Variants in MRPL42 observed in about 807,000 individuals in gnomAD.
The protein encoded by MRPL42 is large ribosomal subunit protein mL42.
Under a neutral mutation model 17.9 loss-of-function variants are expected in MRPL42, and 17 were observed. The ratio of observed to expected loss-of-function variants is 0.95; its 90% confidence interval spans 0.65 to 1.42. MRPL42 has a LOEUF of 1.42. Ranked by LOEUF, MRPL42 falls within the 40% of genes most tolerant of loss-of-function variation. MRPL42 has a pLI of 0.00. For missense variants in MRPL42, 177 were observed against 175.2 expected (o/e 1.01, Z -0.06); for synonymous variants, 59 against 54.4 (o/e 1.08, Z -0.37).
At chr12:93,487,742 A>C in intron 5 of MRPL42, 82 bp downstream of exon 5, 5 of 1,280,802 alleles carry the variant, frequency 3.9e-6, no homozygotes, top group Non-Finnish European at 5.4e-6. Context: ...CAAACTTCTG[A>C]AGTGGTGTTT....
At chr12:93,480,828 C>T (rs1399011897) in intron 4 of MRPL42, among the ~76,000 whole-genome samples, 1 of 152,148 alleles carries the variant, frequency 6.6e-6, no homozygotes, top group African/African-American at 2.4e-5. Flanking sequence ...GTATGAGCCA[C>T]CGCGCCCGAC....
chr12:93,506,897 A>T lies in MRPL42; in HGVS notation c.*5676A>T, dbSNP rs1273809932. On this transcript the variant is annotated 3_prime_UTR_variant, in exon 6 of 6. Transcript: ENST00000549982. ...ATTGCTGCATCCAGGTGTAATTACC[A>T]TAAGAGCATAGAAGATAGAATCGTA... 6.6e-6 allele frequency: 1 copy of T among 152,232 alleles called. No homozygotes were observed. Among genetic ancestry groups the T allele is most frequent in the Non-Finnish European group, 1.5e-5 (1 of 68,042 alleles). The allele number at this position is 152,232 out of a possible 1,614,324, so 9.4% of individuals were successfully genotyped here. A position where few individuals can be genotyped will look rare whatever the true frequency, so the allele number is the denominator to read the frequency against.
intron 3 of MRPL42, among the ~76,000 whole-genome samples, chr12:93,478,278 C>T (rs1287602112): frequency 2.0e-5 from 3 of 151,828 alleles, no homozygotes; most frequent in African/African-American, 7.3e-5. Context: ...GACAGGGTCT[C>T]GCTTTGTCAC....
chr12:93,483,321 A>G (rs1282888538), intron 4 of MRPL42, among the ~76,000 whole-genome samples: 1 of 152,116 alleles, frequency 6.6e-6, no homozygotes, highest in Non-Finnish European at 1.5e-5. Flanking sequence ...GTTCTGAGAA[A>G]TGCATTGTTA....
At chr12:93,488,279 T>G (rs867597636) in intron 5 of MRPL42, 50 of 398,344 alleles carry the variant, frequency 1.3e-4, no homozygotes, top group African/African-American at 9.4e-4. Context: ...TCTTTTTTCT[T>G]CTTTTGTAGA....
At chr12:93,480,282 G>A (rs916535077) in intron 4 of MRPL42, among the ~76,000 whole-genome samples, 2 of 151,664 alleles carry the variant, frequency 1.3e-5, no homozygotes, top group African/African-American at 4.8e-5. Context: ...CACCACGCCC[G>A]GCTAATTTTT....
At chr12:93,468,331 T>C (rs985598902) in intron 1 of MRPL42, among the ~76,000 whole-genome samples, 2 of 152,228 alleles carry the variant, frequency 1.3e-5, no homozygotes, top group Non-Finnish European at 2.9e-5. Context: ...CGGATACTCA[T>C]TGAAGACTAT....
At chr12:93,469,935 T>C (rs1339594711) in intron 2 of MRPL42, among the ~76,000 whole-genome samples, 1 of 151,918 alleles carries the variant, frequency 6.6e-6, no homozygotes, top group African/African-American at 2.4e-5. Flanking sequence ...CAAGGGTAAC[T>C]TTCTCTTGTT....
Position 93,469,284 on chromosome 12 carries a change from C to T in MRPL42, c.-2C>T. The T allele has an allele frequency of 6.2e-7, 1 of 1,607,940 alleles. No individual in the cohort carries two copies. Among genetic ancestry groups the T allele is most frequent in the Admixed American group, 1.7e-5 (1 of 58,904 alleles). The stretch of plus-strand genomic sequence containing the variant: ...ACCACTTGATAAGCATCTTGAAACA[C>T]CATGGCTGTAGCTGCAGTAAAATGG... On this transcript the variant is annotated 5_prime_UTR_variant, in exon 2 of 6. Coordinates refer to ENST00000549982, the MANE Select transcript of MRPL42 (RefSeq NM_014050.4).
At position 93,512,268 on chromosome 12, in the gene MRPL42, ATGG is replaced by A. The variant is rs1953732274; in HGVS notation, c.*11050_*11052del. 6.6e-6 allele frequency: 1 copy of A among 152,314 alleles called. No homozygotes were observed. Among genetic ancestry groups the A allele is most frequent in the Non-Finnish European group, 1.5e-5 (1 of 68,130 alleles). The allele number at this position is 152,314 out of a possible 1,614,324, so 9.4% of individuals were successfully genotyped here. ...GAGGTTCGAGACCAGCCTGGCCAAC[ATGG>A]TGAAACCCCATCTCTACTAAAAATA... is the stretch of plus-strand genomic sequence containing the variant. On this transcript the variant is annotated 3_prime_UTR_variant, in exon 6 of 6. Transcript: ENST00000549982.
At chr12:93,492,635 T>A (rs1953436075) in intron 5 of MRPL42, among the ~76,000 whole-genome samples, 1 of 152,218 alleles carries the variant, frequency 6.6e-6, no homozygotes, top group Non-Finnish European at 1.5e-5. Flanking sequence ...GTATGAGACC[T>A]TCAGAATGCT....
Position 93,502,989 on chromosome 12 carries a change from CG to C in MRPL42, c.*1769del, listed in dbSNP as rs1953616463. On this transcript the variant is annotated 3_prime_UTR_variant, in exon 6 of 6. Coordinates refer to ENST00000549982, the MANE Select transcript of MRPL42 (RefSeq NM_014050.4). ...AATTTTGCTAAATAAGCACATAGTC[CG>C]TGATCACCAGCATCACCTGCCCTCT... The C allele has an allele frequency of 6.6e-6, 1 of 151,618 alleles. No individual in the cohort carries two copies. Among genetic ancestry groups the C allele is most frequent in the East Asian group, 1.9e-4 (1 of 5,174 alleles). The allele number at this position is 151,618 out of a possible 1,614,324, so 9.4% of individuals were successfully genotyped here. A position where few individuals can be genotyped will look rare whatever the true frequency, so the allele number is the denominator to read the frequency against.
rs1953612066 is a variant in MRPL42, at chr12:93,502,663, T to G, written c.*1442T>G. 1 of 152,220 alleles carries G rather than the reference T, an allele frequency of 6.6e-6. No individual in the cohort carries two copies. Among genetic ancestry groups the G allele is most frequent in the South Asian group, 2.1e-4 (1 of 4,830 alleles). The allele number at this position is 152,220 out of a possible 1,614,324, so 9.4% of individuals were successfully genotyped here. On this transcript the variant is annotated 3_prime_UTR_variant, in exon 6 of 6. Transcript: ENST00000549982. ...GATAAATCAGAAATATTTACCAGCT[T>G]TGTCGATGGTGTATTCTTGAAAAAT...
intron 5 of MRPL42, among the ~76,000 whole-genome samples, chr12:93,495,897 A>G (rs184513618): frequency 1.8e-4 from 27 of 152,332 alleles, no homozygotes; most frequent in Admixed American, 8.5e-4. Flanking sequence ...CAAAACTTCC[A>G]TAAAGTATGG....
intron 2 of MRPL42, among the ~76,000 whole-genome samples, chr12:93,476,230 A>G (rs1592768123): frequency 6.6e-6 from 1 of 152,122 alleles, no homozygotes; most frequent in African/African-American, 2.4e-5. Context: ...GCTCTTGCAC[A>G]GGCTGGAGTG....
chr12:93,481,145 T>C (rs1392316567), intron 4 of MRPL42, among the ~76,000 whole-genome samples: 3 of 152,194 alleles, frequency 2.0e-5, no homozygotes, highest in African/African-American at 7.2e-5. Context: ...TGGCTCTTTA[T>C]ATCTCTGAAT....
In MRPL42 at chr12:93,469,238, CT is replaced by C; in HGVS notation, c.-46del. On this transcript the variant is annotated 5_prime_UTR_variant, in exon 2 of 6. Coordinates refer to ENST00000549982, the MANE Select transcript of MRPL42 (RefSeq NM_014050.4). Reference sequence around the variant, plus strand: ...GAAGCAGATTCTAAAAGCAGTTTCTCTTCAGAACATCTTTTTTCATACCACT... The same window carrying C: ...GAAGCAGATTCTAAAAGCAGTTTCTCTCAGAACATCTTTTTTCATACCACT... 6.7e-7 allele frequency: 1 copy of C among 1,485,078 alleles called. No individual in the cohort carries two copies. Among genetic ancestry groups the C allele is most frequent in the Non-Finnish European group, 9.2e-7 (1 of 1,081,480 alleles). 92.0% of individuals were successfully genotyped at this position (1,485,078 alleles called of 1,614,324 possible). A position where few individuals can be genotyped will look rare whatever the true frequency, so the allele number is the denominator to read the frequency against.
At chr12:93,484,979 C>CATATATATATAT (rs4020795) in intron 4 of MRPL42, among the ~76,000 whole-genome samples, 7 of 22,464 alleles carry the variant, frequency 3.1e-4, no homozygotes, top group East Asian at 1.2e-3. Flanking sequence ...CACACACACA[C>CATATATATATAT]ATATATATAT....
In MRPL42 at chr12:93,505,911, C is replaced by CTTTTTTTTTTTTTTTTTTTT. The variant is rs750799768; in HGVS notation, c.*4691_*4710dup. Reference sequence around the variant, plus strand: ...TAGAACCTTATGATTACTTCTGAGTCTTTTTTTTTTTTTTTTTTTTGAGAT... The same window carrying CTTTTTTTTTTTTTTTTTTTT: ...TAGAACCTTATGATTACTTCTGAGTCTTTTTTTTTTTTTTTTTTTTTTTTTTTTTTTTTTTTTTTTGAGAT... On this transcript the variant is annotated 3_prime_UTR_variant, in exon 6 of 6. Transcript: ENST00000549982. 1 of 122,592 alleles carries CTTTTTTTTTTTTTTTTTTTT rather than the reference C, an allele frequency of 8.2e-6. No homozygotes were observed. 7.6% of individuals were successfully genotyped at this position (122,592 alleles called of 1,614,324 possible). A position where few individuals can be genotyped will look rare whatever the true frequency, so the allele number is the denominator to read the frequency against.
Sources: allele counts gnomAD v4.1 joint callset (sites outside exome capture counted in the v4.1 genomes callset), GRCh38; gene constraint gnomAD v4.1.1; transcripts MANE v1.5; gene names NCBI Gene and HGNC (gene_info 2026-07-23, HGNC 2026-07-21).